The following PSMC1 variants were observed in gnomAD, a reference collection of about 807,000 sequenced individuals.
PSMC1 encodes 26S proteasome regulatory subunit 4.
Under a neutral mutation model 49.8 loss-of-function variants are expected in PSMC1, and 5 were observed. The observed-to-expected ratio is 0.10, with a 90% CI of 0.05 to 0.21. The LOEUF (loss-of-function observed/expected upper bound fraction) is 0.21, where lower values mean the gene tolerates loss of function less well. Ranked by LOEUF, PSMC1 falls within the 10% of genes least tolerant of loss-of-function variation. The probability of loss-of-function intolerance (pLI) is 1.00; values close to 1 mark genes in which losing one functional copy is unlikely to be tolerated. For synonymous variants in PSMC1, 155 were observed against 192.1 expected (o/e 0.81, Z 1.60); for missense variants, 181 against 535.7 (o/e 0.34, Z 6.54).
Position 90,259,227 on chromosome 14 carries a change from A to T in PSMC1, c.57+14A>T, listed in dbSNP as rs1361029822. The T allele has an allele frequency of 1.2e-6, 2 of 1,613,302 alleles. No individual in the cohort carries two copies. The highest frequency in any genetic ancestry group is 2.7e-5 in the African/African-American group (2 of 74,928). On this transcript the variant is annotated intron_variant, in intron 2 of 10. Transcript: ENST00000261303. The stretch of plus-strand genomic sequence containing the variant: ...AAGGATGACAAGGTAAATATGCCAG[A>T]TTTGTCCTGTGATATGAGCAAATTG...
chr14:90,270,676 G>A (rs1156917894), intron 10 of PSMC1: 1 of 211,132 alleles, frequency 4.7e-6, no homozygotes, highest in African/African-American at 2.3e-5. Flanking sequence ...GGTATGTCCT[G>A]GGAGAACTCT....
intron 3 of PSMC1, among the ~76,000 whole-genome samples, chr14:90,260,906 ATAAAAG>A (rs1891385921): frequency 6.6e-6 from 1 of 152,256 alleles, no homozygotes; most frequent in South Asian, 2.1e-4. Flanking sequence ...AATAAATAAA[ATAAAAG>A]TATAGTTTTA....
In PSMC1 at chr14:90,272,443, A is replaced by G; in HGVS notation, c.*36A>G. 6.6e-7 allele frequency: 1 copy of G among 1,514,300 alleles called. No homozygotes were observed. The highest frequency in any genetic ancestry group is 8.9e-7 in the Non-Finnish European group (1 of 1,122,466). The allele number at this position is 1,514,300 out of a possible 1,614,324, so 93.8% of individuals were successfully genotyped here. On this transcript the variant is annotated 3_prime_UTR_variant, in exon 11 of 11. Transcript: ENST00000261303. The surrounding 1 kb of genome is among the most constrained non-coding windows in gnomAD (Gnocchi z 4.5). Reference sequence around the variant, plus strand: ...CTGTCATCAGGAAAATGGTTGGGAGATTTCTCAATCCCTGAAAGGGATGAG... The same window carrying G: ...CTGTCATCAGGAAAATGGTTGGGAGGTTTCTCAATCCCTGAAAGGGATGAG...
rs750261013 is a variant in PSMC1 at position 90,264,024 on chromosome 14, T to C, written c.466-17T>C. ...AAACCTCACGTTCCTGTGTTAAACCTTGATGTTTCCTGTTAGGTGCATGCC... is the reference window on the plus strand; with the variant it reads ...AAACCTCACGTTCCTGTGTTAAACCCTGATGTTTCCTGTTAGGTGCATGCC... On this transcript the variant is annotated splice_polypyrimidine_tract_variant and intron_variant, in intron 5 of 10. Coordinates refer to ENST00000261303, the MANE Select transcript of PSMC1 (RefSeq NM_002802.3). 7.5e-6 allele frequency: 12 copies of C among 1,602,942 alleles called. No individual in the cohort carries two copies. The East Asian group carries it at 2.2e-4, about 30-fold the overall frequency.
At chr14:90,267,532 C>G (rs1379951678) in intron 7 of PSMC1, 2 of 152,242 alleles carry the variant, frequency 1.3e-5, no homozygotes, top group Non-Finnish European at 2.9e-5. Context: ...GAGCTCTTCC[C>G]TGAGATCAGT....
chr14:90,263,321 C>T lies in PSMC1; in HGVS notation c.158C>T (p.Thr53Ile). ...PDAASKLPLV[T>I]PHTQCRLKLL... ...AAACTTTATATTTAAATTTCAGTGA[C>T]ACCTCACACTCAGTGCCGGTTAAAA... is the stretch of plus-strand genomic sequence containing the variant. Residue 53 changes from threonine to isoleucine, a missense_variant, in exon 4 of 11, where the codon ACA (threonine) becomes ATA (isoleucine). Thr to Ile is a moderately conservative substitution (Grantham distance 89, BLOSUM62 -1). This residue lies in a region of PSMC1 where 121 missense variants were observed against 358.6 expected (regional missense o/e 0.34). Transcript: ENST00000261303. 1 of 1,590,270 alleles carries T rather than the reference C, an allele frequency of 6.3e-7. No individual in the cohort carries two copies. Among genetic ancestry groups the T allele is most frequent in the Non-Finnish European group, 8.5e-7 (1 of 1,173,124 alleles).
At position 90,270,025 on chromosome 14, in the gene PSMC1, A is replaced by G. The variant is rs577318653; in HGVS notation, c.1034-173A>G. ...TTTTAAATGAAGAGAATTCAAATGT[A>G]GAAATCTACAAACTACAAAAATATA... On this transcript the variant is annotated intron_variant, in intron 9 of 10. Coordinates refer to ENST00000261303, the MANE Select transcript of PSMC1 (RefSeq NM_002802.3). The G allele has an allele frequency of 1.3e-5, 8 of 639,904 alleles. No individual in the cohort carries two copies. In the Admixed American group the frequency reaches 2.3e-4, roughly 18 times the overall value. 39.6% of individuals were successfully genotyped at this position (639,904 alleles called of 1,614,324 possible).
At chr14:90,265,549 T>C (rs1891489836) in intron 7 of PSMC1, among the ~76,000 whole-genome samples, 2 of 151,516 alleles carry the variant, frequency 1.3e-5, no homozygotes, top group South Asian at 4.2e-4. Flanking sequence ...ATTAGCCGGG[T>C]GTGGTGACGT....
In PSMC1 at chr14:90,264,178, G is replaced by A. The variant is rs375737718; in HGVS notation, c.594+9G>A. On this transcript the variant is annotated intron_variant, in intron 6 of 10. Coordinates refer to ENST00000261303, the MANE Select transcript of PSMC1 (RefSeq NM_002802.3). ...AAATTCAGGAAATTAAGGTATGATT[G>A]ATTGGTAACCATCTCTGGGTTTCAG... 7.6e-4 allele frequency: 1,230 copies of A among 1,612,088 alleles called. No individual in the cohort carries two copies. Among genetic ancestry groups the A allele is most frequent in the Non-Finnish European group, 1.0e-3 (1,199 of 1,179,562 alleles).
chr14:90,259,804 T>G (rs547313627), intron 2 of PSMC1, among the ~76,000 whole-genome samples: 1 of 152,216 alleles, frequency 6.6e-6, no homozygotes, highest in Admixed American at 6.5e-5. Context: ...GTATTTTTAG[T>G]AGAGATGGAG....
intron 7 of PSMC1, among the ~76,000 whole-genome samples, chr14:90,267,309 G>A (rs1891543686): frequency 6.6e-6 from 1 of 151,860 alleles, no homozygotes; most frequent in African/African-American, 2.4e-5. Context: ...TTACAGGCAT[G>A]TGCTGGCTAA....
At chr14:90,260,303 A>C (rs1376529698) in intron 3 of PSMC1, 92 bp downstream of exon 3, 1 of 842,656 alleles carries the variant, frequency 1.2e-6, no homozygotes, top group Non-Finnish European at 1.9e-6. Context: ...GGTAACAGGA[A>C]GTAGAGGGGC....
At chr14:90,268,086 C>T (rs1041056658) in intron 7 of PSMC1, 138 bp from the exon 8 acceptor site, 1 of 631,246 alleles carries the variant, frequency 1.6e-6, no homozygotes, top group African/African-American at 1.8e-5. Flanking sequence ...AATGTCGTGA[C>T]ACTTGAATTG....
intron 9 of PSMC1, 147 bp downstream of exon 9, chr14:90,269,695 G>A (rs1184612945): frequency 1.2e-6 from 1 of 809,546 alleles, no homozygotes; most frequent in Non-Finnish European, 1.9e-6. Context: ...AGGTCCTCTT[G>A]AGATGAGGGT....
Position 90,274,671 on chromosome 14 carries a change from T to A in PSMC1, c.*2264T>A, listed in dbSNP as rs8008921. The stretch of plus-strand genomic sequence containing the variant: ...CTCAAGGAATGATAAGGACATGTCC[T>A]AAGGACACCGAAGCCTATGTGAAGG... On this transcript the variant is annotated 3_prime_UTR_variant, in exon 11 of 11. Coordinates refer to ENST00000261303, the MANE Select transcript of PSMC1 (RefSeq NM_002802.3). 144,382 of 152,244 alleles carry A rather than the reference T, an allele frequency of 0.95. 68,872 individuals are homozygous for A. Among genetic ancestry groups the A allele is most frequent in the East Asian group, 1 (5,162 of 5,164 alleles). The allele number at this position is 152,244 out of a possible 1,614,324, so 9.4% of individuals were successfully genotyped here.
At chr14:90,259,349 C>A in intron 2 of PSMC1, 136 bp downstream of exon 2, 1 of 682,806 alleles carries the variant, frequency 1.5e-6, no homozygotes. Context: ...GCCTGTCCTA[C>A]AGATACAATA....
intron 7 of PSMC1, among the ~76,000 whole-genome samples, chr14:90,265,522 C>T (rs28509298): frequency 0.036 from 5,414 of 151,808 alleles, 296 homozygotes; most frequent in African/African-American, 0.12. Flanking sequence ...AACCCCGTCT[C>T]TACTAAAAAT....
At chr14:90,265,705 AAAG>A (rs1435326282) in intron 7 of PSMC1, among the ~76,000 whole-genome samples, 1 of 150,912 alleles carries the variant, frequency 6.6e-6, no homozygotes, top group Non-Finnish European at 1.5e-5. Flanking sequence ...AAAAAAAAAA[AAAG>A]ATTAGGTGGG....
At chr14:90,264,836 G>T (rs535283926) in intron 6 of PSMC1, among the ~76,000 whole-genome samples, 1 of 152,206 alleles carries the variant, frequency 6.6e-6, no homozygotes, top group Non-Finnish European at 1.5e-5. Flanking sequence ...CTACTAGAAA[G>T]TAAAAGGGGA....
Sources: allele counts gnomAD v4.1 joint callset (sites outside exome capture counted in the v4.1 genomes callset), GRCh38; gene constraint gnomAD v4.1.1; regional missense constraint gnomAD v4.1.1; non-coding constraint Gnocchi (gnomAD v3.1); transcripts MANE v1.5; gene names NCBI Gene and HGNC (gene_info 2026-07-23, HGNC 2026-07-21).